The following HS3ST3A1 variants were observed in gnomAD, a reference collection of about 807,000 sequenced individuals.
HS3ST3A1 encodes heparan sulfate glucosamine 3-O-sulfotransferase 3A1.
HS3ST3A1 carries 19 observed loss-of-function variants against 25.7 expected under a neutral mutation model. That is an observed-to-expected ratio of 0.74 (90% confidence interval 0.52 to 1.08). HS3ST3A1 has a LOEUF of 1.08. Among genes scored for constraint, HS3ST3A1 ranks in the 50% least tolerant of loss-of-function variants. HS3ST3A1 has a pLI of 0.00. For synonymous variants in HS3ST3A1, 226 were observed against 278.6 expected, an observed-to-expected ratio of 0.81 and a Z score of 1.88; for missense variants, 459 against 594.3, an observed-to-expected ratio of 0.77 and a Z score of 2.37.
At chr17:13,537,494 C>G (rs1428548434) in intron 1 of HS3ST3A1, among the ~76,000 whole-genome samples, 1 of 152,194 alleles carries the variant, frequency 6.6e-6, no homozygotes, top group Non-Finnish European at 1.5e-5. Flanking sequence ...GTGAATAAAT[C>G]AACGTGAAGC....
In HS3ST3A1 at chr17:13,547,000, T is replaced by C. The variant is rs74530818; in HGVS notation, c.600-50182A>G. ...AGCAAACTTATTTAACCATGGAATT[T>C]CATGTTTTGCAGTTGCCTAGGAACC... On this transcript the variant is annotated intron_variant, in intron 1 of 1. Coordinates refer to ENST00000284110, the MANE Select transcript of HS3ST3A1 (RefSeq NM_006042.3). 1.8e-3 allele frequency among the ~76,000 whole-genome samples: 268 copies of C among 152,312 alleles called. 4 individuals are homozygous for C. In the East Asian group the frequency reaches 0.043, roughly 25 times the overall value.
At position 13,529,181 on chromosome 17, in the gene HS3ST3A1, C is replaced by T. The variant is rs142930467; in HGVS notation, c.600-32363G>A. The stretch of plus-strand genomic sequence containing the variant: ...GGTTTCCTTGAAAAAATAGCACCTG[C>T]TATTTGTTAAGGAGAGAATGAATTA... On this transcript the variant is annotated intron_variant, in intron 1 of 1. Coordinates refer to ENST00000284110, the MANE Select transcript of HS3ST3A1 (RefSeq NM_006042.3). 3.2e-3 allele frequency among the ~76,000 whole-genome samples: 483 copies of T among 152,190 alleles called. 5 individuals are homozygous for T. The highest frequency in any genetic ancestry group is 5.5e-3 in the Non-Finnish European group (372 of 67,996).
intron 1 of HS3ST3A1, among the ~76,000 whole-genome samples, chr17:13,573,681 G>C (rs1907875168): frequency 6.6e-6 from 1 of 152,154 alleles, no homozygotes; most frequent in Non-Finnish European, 1.5e-5. Context: ...TCAATGTTGA[G>C]TGTGAGTGTC....
intron 1 of HS3ST3A1, among the ~76,000 whole-genome samples, chr17:13,502,735 G>C (rs1451744028): frequency 6.6e-6 from 1 of 152,098 alleles, no homozygotes; most frequent in Non-Finnish European, 1.5e-5. Context: ...TTTGCCTCTG[G>C]CTATTTAGGA....
intron 1 of HS3ST3A1, among the ~76,000 whole-genome samples, chr17:13,566,351 G>A (rs1440070433): frequency 6.6e-6 from 1 of 152,094 alleles, no homozygotes; most frequent in East Asian, 1.9e-4. Context: ...TGTGTGTACT[G>A]ACTGCTCCAC....
At chr17:13,575,914 A>G (rs183764383) in intron 1 of HS3ST3A1, among the ~76,000 whole-genome samples, 52 of 152,354 alleles carry the variant, frequency 3.4e-4, no homozygotes, top group Middle Eastern at 3.4e-3. Context: ...TGGAAAGCAG[A>G]TAAAGGTCTT....
intron 1 of HS3ST3A1, among the ~76,000 whole-genome samples, chr17:13,500,395 A>G (rs1180291523): frequency 6.6e-6 from 1 of 152,236 alleles, no homozygotes; most frequent in Non-Finnish European, 1.5e-5. Context: ...TGCTTTGTGT[A>G]AAAACTGGGG....
chr17:13,536,243 A>G (rs1906766576), intron 1 of HS3ST3A1, among the ~76,000 whole-genome samples: 1 of 152,170 alleles, frequency 6.6e-6, no homozygotes, highest in Non-Finnish European at 1.5e-5. Flanking sequence ...TTTGCCTGCA[A>G]TGTCAGTTCC....
chr17:13,537,526 C>G (rs1168128125), intron 1 of HS3ST3A1, among the ~76,000 whole-genome samples: 1 of 152,176 alleles, frequency 6.6e-6, no homozygotes, highest in African/African-American at 2.4e-5. Flanking sequence ...TATTTTCTCT[C>G]TGCTCCCTTC....
intron 1 of HS3ST3A1, among the ~76,000 whole-genome samples, chr17:13,528,869 A>G (rs1906517019): frequency 6.6e-6 from 1 of 151,848 alleles, no homozygotes; most frequent in East Asian, 2.0e-4. Context: ...AAGGCATGTT[A>G]TAAAGAGCAG....
intron 1 of HS3ST3A1, among the ~76,000 whole-genome samples, chr17:13,541,617 C>A (rs1252190398): frequency 6.6e-6 from 1 of 152,160 alleles, no homozygotes; most frequent in Non-Finnish European, 1.5e-5. Context: ...AGAGTCAGTT[C>A]CTAGAGACTC....
At chr17:13,599,353 A>G (rs1395494234) in intron 1 of HS3ST3A1, among the ~76,000 whole-genome samples, 1 of 152,186 alleles carries the variant, frequency 6.6e-6, no homozygotes, top group Non-Finnish European at 1.5e-5. Context: ...GGCTCCTGAA[A>G]TCAATCTGAG....
chr17:13,575,984 A>G (rs1253825780), intron 1 of HS3ST3A1, among the ~76,000 whole-genome samples: 1 of 152,198 alleles, frequency 6.6e-6, no homozygotes, highest in African/African-American at 2.4e-5. Flanking sequence ...GCTTGTTAGA[A>G]ATGCAAATGC....
chr17:13,600,823 C>A lies in HS3ST3A1; in HGVS notation c.307G>T (p.Ala103Ser). The A allele has an allele frequency of 7.1e-7, 1 of 1,413,078 alleles. No homozygotes were observed. The highest frequency in any genetic ancestry group is 9.1e-7 in the Non-Finnish European group (1 of 1,096,494). The allele number at this position is 1,413,078 out of a possible 1,614,324, so 87.5% of individuals were successfully genotyped here. The part of the protein sequence containing the change: ...LPQWRRRRPP[A>S]PRDDGEEAAW... ...GCCTCCTCGCCGTCGTCGCGGGGCG[C>A]GGGCGGCCGGCGCCTCCGCCACTGC... The change falls in exon 1 of 2, where the codon GCG becomes TCG. Residue 103 changes from alanine to serine, a missense_variant. Around this residue, in one of 3 missense-constraint regions of HS3ST3A1, gnomAD observed 346 missense variants for 303.9 expected, o/e 1.14. Transcript: ENST00000284110.
intron 1 of HS3ST3A1, among the ~76,000 whole-genome samples, chr17:13,516,322 AAAT>A (rs900903325): frequency 6.6e-5 from 10 of 151,650 alleles, no homozygotes; most frequent in African/African-American, 2.4e-4. Context: ...AAAAATAAAA[AAAT>A]AAATAAATAA....
In HS3ST3A1 at chr17:13,601,107, C is replaced by G; in HGVS notation, c.23G>C (p.Ser8Thr). The G allele has an allele frequency of 6.3e-7, 1 of 1,578,978 alleles. No individual in the cohort carries two copies. Among genetic ancestry groups the G allele is most frequent in the African/African-American group, 1.4e-5 (1 of 73,340 alleles). The change falls in exon 1 of 2, where the codon AGT becomes ACT. Residue 8 changes from serine to threonine, a missense_variant. Ser to Thr is a moderately conservative substitution (Grantham distance 58). This residue lies in a region of HS3ST3A1 where 346 missense variants were observed against 303.9 expected (regional missense o/e 1.14). Transcript: ENST00000284110. MAPPGPA[S>T]ALSTSAEPLS... ...CGGCTCGGCCGAGGTGGAGAGGGCA[C>G]TGGCCGGGCCCGGAGGGGCCATCCT...
Position 13,494,783 on chromosome 17 carries a change from C to G in HS3ST3A1, c.*1414G>C, listed in dbSNP as rs993159220. 6.6e-6 allele frequency among the ~76,000 whole-genome samples: 1 copy of G among 152,110 alleles called. No homozygotes were observed. Among genetic ancestry groups the G allele is most frequent in the Non-Finnish European group, 1.5e-5 (1 of 68,018 alleles). ...AGAGGAAAGGAATACTGTTAATAAA[C>G]TATTGATTTATTTGAGTGATTTAAA... On this transcript the variant is annotated 3_prime_UTR_variant, in exon 2 of 2. Coordinates refer to ENST00000284110, the MANE Select transcript of HS3ST3A1 (RefSeq NM_006042.3).
Position 13,600,753 on chromosome 17 carries a change from C to A in HS3ST3A1, c.377G>T (p.Gly126Val). The A allele has an allele frequency of 6.6e-7, 1 of 1,515,832 alleles. No individual in the cohort carries two copies. Among genetic ancestry groups the A allele is most frequent in the Non-Finnish European group, 8.8e-7 (1 of 1,139,036 alleles). 93.9% of individuals were successfully genotyped at this position (1,515,832 alleles called of 1,614,324 possible). A position where few individuals can be genotyped will look rare whatever the true frequency, so the allele number is the denominator to read the frequency against. Residue 126 changes from glycine to valine, a missense_variant, in exon 1 of 2, where the codon GGC (glycine) becomes GTC (valine). Transcript: ENST00000284110. Reference protein sequence around the residue: ...ESPGLSGGPGGSGAGSTVAEA... With the variant: ...ESPGLSGGPGVSGAGSTVAEA... ...GGCCACGGTGCTTCCGGCCCCGGAG[C>A]CGCCCGGACCCCCTGACAGGCCAGG... is the stretch of plus-strand genomic sequence containing the variant.
chr17:13,560,891 A>G (rs1180324814), intron 1 of HS3ST3A1, among the ~76,000 whole-genome samples: 6 of 152,190 alleles, frequency 3.9e-5, no homozygotes, highest in African/African-American at 1.4e-4. Context: ...AAGGTTGGTA[A>G]AATTCAAACT....
Sources: allele counts gnomAD v4.1 joint callset (sites outside exome capture counted in the v4.1 genomes callset), GRCh38; gene constraint gnomAD v4.1.1; regional missense constraint gnomAD v4.1.1; transcripts MANE v1.5; gene names NCBI Gene and HGNC (gene_info 2026-07-23, HGNC 2026-07-21).